The following RSU1 variants were observed in gnomAD, a reference collection of about 807,000 sequenced individuals.
The protein encoded by RSU1 is Ras suppressor protein 1, also known as rsu-1.
RSU1 carries 26 observed loss-of-function variants against 31.1 expected under a neutral mutation model. The ratio of observed to expected loss-of-function variants is 0.84; its 90% CI spans 0.61 to 1.16. The LOEUF (loss-of-function observed/expected upper bound fraction) is 1.16, where lower values mean the gene tolerates loss of function less well. RSU1 is among the 50% of genes most tolerant of loss of function. The probability of loss-of-function intolerance (pLI) is 0.00; values close to 1 mark genes in which losing one functional copy is unlikely to be tolerated. For missense variants in RSU1, 320 were observed against 339.1 expected (o/e 0.94, Z 0.44); for synonymous variants, 164 against 136.3 (o/e 1.20, Z -1.41).
At chr10:16,612,893 TCC>T (rs1412567390) in intron 8 of RSU1, among the ~76,000 whole-genome samples, 1 of 151,216 alleles carries the variant, frequency 6.6e-6, no homozygotes, top group Non-Finnish European at 1.5e-5. Context: ...CCTTCCCCCC[TCC>T]TCTTCCCCCT....
chr10:16,640,126 G>A (rs1834415616), intron 8 of RSU1, among the ~76,000 whole-genome samples: 1 of 152,036 alleles, frequency 6.6e-6, no homozygotes, highest in South Asian at 2.1e-4. Context: ...GGGGAAGAGA[G>A]GGAAGGAAAA....
At chr10:16,666,698 G>A (rs186064848) in intron 8 of RSU1, among the ~76,000 whole-genome samples, 1 of 152,222 alleles carries the variant, frequency 6.6e-6, no homozygotes, top group East Asian at 1.9e-4. Context: ...GTTAAAAAAT[G>A]AGCCATCAGC....
In RSU1 at chr10:16,592,563, GTTGAGGT is replaced by G. The variant is rs1486625270; in HGVS notation, c.*824_*830del. The G allele has an allele frequency of 1.3e-5, 2 of 152,066 alleles. No individual in the cohort carries two copies. Among genetic ancestry groups the G allele is most frequent in the South Asian group, 4.1e-4 (2 of 4,820 alleles). The allele number at this position is 152,066 out of a possible 1,614,324, so 9.4% of individuals were successfully genotyped here. On this transcript the variant is annotated 3_prime_UTR_variant, in exon 9 of 9. Coordinates refer to ENST00000345264, the MANE Select transcript of RSU1 (RefSeq NM_012425.4). ...ATTTTCCGCCGTGACAAAATACACA[GTTGAGGT>G]TTTTTCTCTCTCTCTTTCACAGTTC...
At chr10:16,643,903 A>T (rs10904782) in intron 8 of RSU1, among the ~76,000 whole-genome samples, 44,124 of 142,222 alleles carry the variant, frequency 0.31, 6,803 homozygotes, top group East Asian at 0.46. Flanking sequence ...TTTTTTTTTT[A>T]AAAAAACTTG....
chr10:16,673,898 C>T (rs930386785), intron 8 of RSU1, among the ~76,000 whole-genome samples: 1 of 152,138 alleles, frequency 6.6e-6, no homozygotes, highest in African/African-American at 2.4e-5. Flanking sequence ...CCTCCCCTCC[C>T]CTCTCCTCTG....
intron 7 of RSU1, among the ~76,000 whole-genome samples, chr10:16,717,732 G>A (rs1357069968): frequency 6.6e-6 from 1 of 152,078 alleles, no homozygotes; most frequent in African/African-American, 2.4e-5. Context: ...AAATTTAACA[G>A]TAGGACTCAA....
intron 4 of RSU1, among the ~76,000 whole-genome samples, chr10:16,760,327 T>C (rs1372722747): frequency 6.6e-6 from 1 of 151,962 alleles, no homozygotes; most frequent in Non-Finnish European, 1.5e-5. Context: ...CTGACCAACA[T>C]GGTGAAACGC....
At chr10:16,604,978 G>A (rs551547787) in intron 8 of RSU1, among the ~76,000 whole-genome samples, 1 of 152,334 alleles carries the variant, frequency 6.6e-6, no homozygotes, top group African/African-American at 2.4e-5. Context: ...GCACTGTGGC[G>A]AGAGAGCCTG....
intron 7 of RSU1, among the ~76,000 whole-genome samples, chr10:16,701,916 C>G (rs1484087040): frequency 6.6e-6 from 1 of 152,194 alleles, no homozygotes; most frequent in African/African-American, 2.4e-5. Context: ...CCTTATGTTG[C>G]AAGTTGAAAT....
At position 16,682,198 on chromosome 10, in the gene RSU1, T is replaced by C. The variant is rs538843028; in HGVS notation, c.731+12825A>G. Among the ~76,000 whole-genome samples the C allele has an allele frequency of 2.1e-4, 32 of 152,284 alleles. No individual in the cohort carries two copies. In the South Asian group the frequency reaches 3.3e-3, roughly 16 times the overall value. ...AGGGAATCTCTGACTCCACACTCTATAGGGCAAAACCCTCAGAGGCGTTCG... is the reference window on the plus strand; with the variant it reads ...AGGGAATCTCTGACTCCACACTCTACAGGGCAAAACCCTCAGAGGCGTTCG... On this transcript the variant is annotated intron_variant, in intron 8 of 8. Coordinates refer to ENST00000345264, the MANE Select transcript of RSU1 (RefSeq NM_012425.4).
At chr10:16,594,571 T>G (rs1029340515) in intron 8 of RSU1, among the ~76,000 whole-genome samples, 2 of 147,698 alleles carry the variant, frequency 1.4e-5, no homozygotes, top group Admixed American at 6.8e-5. Context: ...CCACCATGCC[T>G]AGCTAATTAA....
chr10:16,735,040 T>C (rs1290766709), intron 7 of RSU1, among the ~76,000 whole-genome samples: 1 of 152,218 alleles, frequency 6.6e-6, no homozygotes, highest in African/African-American at 2.4e-5. Flanking sequence ...AAACCAATTC[T>C]GTTATTTTGA....
chr10:16,768,818 G>C (rs1837369817), intron 3 of RSU1, among the ~76,000 whole-genome samples: 1 of 152,206 alleles, frequency 6.6e-6, no homozygotes, highest in African/African-American at 2.4e-5. Context: ...GTTTCTGGAA[G>C]GTTCCACAAG....
intron 7 of RSU1, among the ~76,000 whole-genome samples, chr10:16,707,767 A>C (rs778410067): frequency 2.6e-5 from 4 of 151,990 alleles, no homozygotes; most frequent in Non-Finnish European, 5.9e-5. Context: ...GCTGCTTTTG[A>C]AGTCTTGTTT....
chr10:16,640,239 G>A (rs1374393554), intron 8 of RSU1, among the ~76,000 whole-genome samples: 1 of 152,002 alleles, frequency 6.6e-6, no homozygotes, highest in African/African-American at 2.4e-5. Flanking sequence ...TTTGCCTGTG[G>A]TGGGAGCATA....
At chr10:16,678,305 T>C (rs554303568) in intron 8 of RSU1, among the ~76,000 whole-genome samples, 2 of 152,354 alleles carry the variant, frequency 1.3e-5, no homozygotes, top group South Asian at 2.1e-4. Context: ...TCCAAGAACA[T>C]AGGAAAGCCT....
intron 2 of RSU1, among the ~76,000 whole-genome samples, chr10:16,814,463 A>AAAAG (rs926583583): frequency 2.8e-5 from 4 of 143,656 alleles, no homozygotes; most frequent in African/African-American, 1.1e-4. Flanking sequence ...AAAAAAAAAA[A>AAAAG]AAAAAGAAAA....
chr10:16,781,253 A>ATT (rs1837642955), intron 3 of RSU1, among the ~76,000 whole-genome samples: 1 of 152,204 alleles, frequency 6.6e-6, no homozygotes. Flanking sequence ...CCACAGCTCT[A>ATT]CGAAGAAAAC....
At chr10:16,816,700 G>A (rs1485483166) in intron 2 of RSU1, among the ~76,000 whole-genome samples, 1 of 152,192 alleles carries the variant, frequency 6.6e-6, no homozygotes, top group Non-Finnish European at 1.5e-5. Context: ...TAAGCAAACT[G>A]TGGAAAATCC....
Sources: allele counts gnomAD v4.1 joint callset (sites outside exome capture counted in the v4.1 genomes callset), GRCh38; gene constraint gnomAD v4.1.1; transcripts MANE v1.5; gene names NCBI Gene and HGNC (gene_info 2026-07-23, HGNC 2026-07-21).